Variants in NTNG1 observed in about 807,000 individuals in gnomAD.
NTNG1 encodes the protein netrin G1.
In NTNG1, 16 loss-of-function variants were observed where a neutral mutation model predicts 54.0. That is an observed-to-expected ratio of 0.30 (90% confidence interval 0.20 to 0.45). The LOEUF (loss-of-function observed/expected upper bound fraction) is 0.45, where lower values mean the gene tolerates loss of function less well. Ranked by LOEUF, NTNG1 falls within the 20% of genes least tolerant of loss-of-function variation. The pLI is 1.00. For synonymous variants in NTNG1, 255 were observed against 263.1 expected, an observed-to-expected ratio of 0.97 and a Z score of 0.30; for missense variants, 530 against 678.7, an observed-to-expected ratio of 0.78 and a Z score of 2.43.
intron 2 of NTNG1, among the ~76,000 whole-genome samples, chr1:107,259,340 C>G (rs1024918454): frequency 2.6e-5 from 4 of 151,910 alleles, no homozygotes; most frequent in African/African-American, 7.3e-5. Context: ...TTGGAAAAAG[C>G]TCGGTGCTAT....
Position 107,318,008 on chromosome 1 carries a change from A to C in NTNG1, c.247-6274A>C, listed in dbSNP as rs577902115. 6.6e-5 allele frequency among the ~76,000 whole-genome samples: 10 copies of C among 152,336 alleles called. No homozygotes were observed. The South Asian group carries it at 2.1e-3, about 32-fold the overall frequency. ...TGACAGATGCATAGGTGCTTTTGTC[A>C]CAACAGTTTCAGACTATCTAATGTT... On this transcript the variant is annotated intron_variant, in intron 2 of 7. Coordinates refer to ENST00000370068, the MANE Select transcript of NTNG1 (RefSeq NM_001113226.3).
chr1:107,163,430 C>T (rs17018525), intron 2 of NTNG1, among the ~76,000 whole-genome samples: 116 of 152,054 alleles, frequency 7.6e-4, no homozygotes, highest in African/African-American at 2.7e-3. Flanking sequence ...TATCATTTCT[C>T]TTGCTAAAAT....
chr1:107,306,286 G>T (rs1211038535), intron 2 of NTNG1, among the ~76,000 whole-genome samples: 1 of 152,092 alleles, frequency 6.6e-6, no homozygotes, highest in Non-Finnish European at 1.5e-5. Flanking sequence ...TTACTAGCGA[G>T]GTATTCTTAC....
At chr1:107,157,540 T>C (rs1655090057) in intron 2 of NTNG1, among the ~76,000 whole-genome samples, 1 of 152,220 alleles carries the variant, frequency 6.6e-6, no homozygotes, top group African/African-American at 2.4e-5. Context: ...GATATGGAGT[T>C]TAACCAAAAG....
chr1:107,478,950 G>A (rs1338980793), intron 7 of NTNG1, among the ~76,000 whole-genome samples: 1 of 152,172 alleles, frequency 6.6e-6, no homozygotes, highest in Non-Finnish European at 1.5e-5. Flanking sequence ...ATAAAATAAT[G>A]TGGTTCTAAT....
At chr1:107,145,084 T>C (rs1285837269) in intron 1 of NTNG1, among the ~76,000 whole-genome samples, 8 of 152,090 alleles carry the variant, frequency 5.3e-5, no homozygotes, top group Non-Finnish European at 1.2e-4. Context: ...AATATGTTAT[T>C]CACTGTCCTT....
At chr1:107,187,140 C>CT (rs1267991987) in intron 2 of NTNG1, among the ~76,000 whole-genome samples, 5 of 152,032 alleles carry the variant, frequency 3.3e-5, no homozygotes, top group Admixed American at 2.6e-4. Flanking sequence ...GCATCTGTTT[C>CT]TTTTCTTCGT....
intron 2 of NTNG1, among the ~76,000 whole-genome samples, chr1:107,314,049 C>T (rs1002873869): frequency 3.3e-5 from 5 of 152,052 alleles, no homozygotes; most frequent in African/African-American, 1.2e-4. Flanking sequence ...TTAGTAAAGT[C>T]GACGTTTTTC....
intron 2 of NTNG1, among the ~76,000 whole-genome samples, chr1:107,225,235 A>G (rs1448805959): frequency 6.6e-6 from 1 of 152,176 alleles, no homozygotes; most frequent in East Asian, 1.9e-4. Flanking sequence ...GGATAAGAAC[A>G]TGATTTTGGA....
chr1:107,279,645 A>G (rs548265424), intron 2 of NTNG1, among the ~76,000 whole-genome samples: 1 of 152,266 alleles, frequency 6.6e-6, no homozygotes, highest in African/African-American at 2.4e-5. Context: ...GCTTCCTCCA[A>G]AGAAAAATGT....
Position 107,430,730 on chromosome 1 carries a change from T to C in NTNG1, c.1088-20T>C, listed in dbSNP as rs373177347. On this transcript the variant is annotated intron_variant, in intron 5 of 7. Coordinates refer to ENST00000370068, the MANE Select transcript of NTNG1 (RefSeq NM_001113226.3). ...TGCTACTGTATACACTCTGTATACA[T>C]TTCTGTTCTTCCTTGCAAGATTGTG... The C allele has an allele frequency of 9.9e-6, 16 of 1,612,636 alleles. No homozygotes were observed. The African/African-American group carries it at 1.7e-4, about 17-fold the overall frequency.
At chr1:107,423,634 A>G (rs1674707789) in intron 5 of NTNG1, among the ~76,000 whole-genome samples, 1 of 152,134 alleles carries the variant, frequency 6.6e-6, no homozygotes, top group Non-Finnish European at 1.5e-5. Flanking sequence ...TGCTTATACA[A>G]CAGTAATAAA....
chr1:107,251,168 G>A lies in NTNG1; in HGVS notation c.247-73114G>A, dbSNP rs1042095963. On this transcript the variant is annotated intron_variant, in intron 2 of 7. Transcript: ENST00000370068. ...TTCTAGTTGAAAGATTTACCTAAAT[G>A]CCAAAACTTTTAAACACTATTTTTA... 2.6e-5 allele frequency among the ~76,000 whole-genome samples: 4 copies of A among 152,140 alleles called. No individual in the cohort carries two copies. In the East Asian group the frequency reaches 7.7e-4, roughly 29 times the overall value.
chr1:107,294,958 T>C (rs1186677770), intron 2 of NTNG1, among the ~76,000 whole-genome samples: 2 of 152,208 alleles, frequency 1.3e-5, no homozygotes, highest in Non-Finnish European at 2.9e-5. Context: ...CTAAATGCAC[T>C]CAGTAAGTGA....
chr1:107,153,158 G>GT (rs1018874928), intron 2 of NTNG1, among the ~76,000 whole-genome samples: 1 of 152,156 alleles, frequency 6.6e-6, no homozygotes, highest in Non-Finnish European at 1.5e-5. Flanking sequence ...CAAAGCCTTT[G>GT]TGTTTTGTGG....
At chr1:107,258,754 G>A (rs1173374346) in intron 2 of NTNG1, among the ~76,000 whole-genome samples, 1 of 152,210 alleles carries the variant, frequency 6.6e-6, no homozygotes, top group East Asian at 1.9e-4. Flanking sequence ...CCTTTGACAA[G>A]GGAGAGAGTT....
chr1:107,172,791 T>C (rs977782952), intron 2 of NTNG1, among the ~76,000 whole-genome samples: 3 of 152,200 alleles, frequency 2.0e-5, no homozygotes, highest in African/African-American at 7.2e-5. Flanking sequence ...AGAAATTTGC[T>C]ATGTTATACC....
chr1:107,225,758 T>C (rs1660634696), intron 2 of NTNG1, among the ~76,000 whole-genome samples: 1 of 152,218 alleles, frequency 6.6e-6, no homozygotes, highest in Admixed American at 6.5e-5. Flanking sequence ...TGTGTCCAGA[T>C]AAAATCAAGA....
intron 3 of NTNG1, among the ~76,000 whole-genome samples, chr1:107,378,675 G>T (rs1173381711): frequency 1.3e-5 from 2 of 152,172 alleles, no homozygotes; most frequent in African/African-American, 4.8e-5. Flanking sequence ...CCAAGGTACA[G>T]GTTCACAGGT....
Sources: allele counts gnomAD v4.1 joint callset (sites outside exome capture counted in the v4.1 genomes callset), GRCh38; gene constraint gnomAD v4.1.1; transcripts MANE v1.5; gene names NCBI Gene and HGNC (gene_info 2026-07-23, HGNC 2026-07-21).